ADAM7: variants seen among roughly 807,000 people sequenced by gnomAD.
ADAM7 encodes the protein ADAM metallopeptidase domain 7.
ADAM7 carries 97 observed loss-of-function variants against 102.9 expected under a neutral mutation model. That is an observed-to-expected ratio of 0.94 (90% CI 0.80 to 1.12). The LOEUF is 1.12. Ranked by LOEUF, ADAM7 falls within the 50% of genes most tolerant of loss-of-function variation. The probability of loss-of-function intolerance (pLI) is 0.00; values close to 1 mark genes in which losing one functional copy is unlikely to be tolerated. For missense variants in ADAM7, 991 were observed against 908.7 expected (o/e 1.09, Z -1.16); for synonymous variants, 334 against 304.4 (o/e 1.10, Z -1.01).
At chr8:24,470,779 T>C (rs1819577858) in intron 7 of ADAM7, among the ~76,000 whole-genome samples, 1 of 152,202 alleles carries the variant, frequency 6.6e-6, no homozygotes, top group East Asian at 1.9e-4. Context: ...CAATGCTTGA[T>C]AATAATAAAA....
intron 4 of ADAM7, among the ~76,000 whole-genome samples, chr8:24,464,213 A>G (rs959131234): frequency 2.0e-5 from 3 of 152,210 alleles, no homozygotes; most frequent in African/African-American, 7.2e-5. Flanking sequence ...CTGTACACTC[A>G]ATATGGTGTT....
At chr8:24,506,252 C>A in intron 20 of ADAM7, 1 of 1,003,060 alleles carries the variant, frequency 1.0e-6, no homozygotes, top group Non-Finnish European at 1.5e-6. Context: ...TTGAAAAGGA[C>A]CAATAATATA....
chr8:24,482,400 A>C, intron 9 of ADAM7, 89 bp downstream of exon 9: 2 of 1,403,398 alleles, frequency 1.4e-6, no homozygotes, highest in Non-Finnish European at 2.0e-6. Flanking sequence ...AACATTTTTT[A>C]AGCATTTGAC....
At chr8:24,497,397 T>TTTTTATAAAATTTTTAAAAA (rs1820596359) in intron 16 of ADAM7, among the ~76,000 whole-genome samples, 1 of 152,138 alleles carries the variant, frequency 6.6e-6, no homozygotes, top group Non-Finnish European at 1.5e-5. Flanking sequence ...TATAAAAAAG[T>TTTTTATAAAATTTTTAAAAA]ATAATTTGAG....
chr8:24,493,208 A>G lies in ADAM7; in HGVS notation c.1821A>G (p.Gly607=). Residue 607 remains glycine, a synonymous_variant, in exon 16 of 22, where the codon GGA becomes GGG. Transcript: ENST00000175238. ...CAGACATTGGCCTGGTGGCGTCAGG[A>G]ACAAAATGTGGAGAGGGAATGGTAA... The part of the protein sequence containing the change: ...DSTDIGLVAS[G]TKCGEGMVCN... The G allele has an allele frequency of 6.2e-7, 1 of 1,605,864 alleles. No homozygotes were observed. Among genetic ancestry groups the G allele is most frequent in the Non-Finnish European group, 8.5e-7 (1 of 1,177,066 alleles).
intron 3 of ADAM7, among the ~76,000 whole-genome samples, chr8:24,463,046 T>C (rs1819300967): frequency 6.6e-6 from 1 of 152,170 alleles, no homozygotes; most frequent in African/African-American, 2.4e-5. Context: ...ATATGGCCAA[T>C]ATAGCCTCGA....
rs1216464484 is a variant in ADAM7, at chr8:24,450,023, A to ACC, written c.233+2761_233+2762insCC. Among the ~76,000 whole-genome samples the ACC allele has an allele frequency of 1.3e-5, 2 of 152,154 alleles. 1 individual carries two copies. The highest frequency in any genetic ancestry group is 3.9e-4 in the East Asian group (2 of 5,190). On this transcript the variant is annotated intron_variant, in intron 3 of 21. Coordinates refer to ENST00000175238, the MANE Select transcript of ADAM7 (RefSeq NM_003817.4). ...CATTGATCTATATCTCTGTTTTGGT[A>ACC]TGAGTACCATGCTGTTTTGGTTACT...
chr8:24,452,443 G>A (rs1818833925), intron 3 of ADAM7, among the ~76,000 whole-genome samples: 1 of 149,886 alleles, frequency 6.7e-6, no homozygotes, highest in African/African-American at 2.5e-5. Context: ...TTGGTTTACA[G>A]TCTGTTTTAT....
chr8:24,493,336 A>C (rs981129429), intron 16 of ADAM7, 107 bp downstream of exon 16: 1 of 969,820 alleles, frequency 1.0e-6, no homozygotes, highest in African/African-American at 1.7e-5. Flanking sequence ...GGAAAAGGAA[A>C]AAATATTGAC....
At chr8:24,472,300 T>G (rs1402604052) in intron 7 of ADAM7, among the ~76,000 whole-genome samples, 1 of 151,930 alleles carries the variant, frequency 6.6e-6, no homozygotes, top group Non-Finnish European at 1.5e-5. Context: ...AAAAAGAATA[T>G]GTATTTTTTT....
intron 12 of ADAM7, 92 bp downstream of exon 12, chr8:24,489,425 T>C (rs1194181271): frequency 8.0e-7 from 1 of 1,246,654 alleles, no homozygotes; most frequent in Non-Finnish European, 1.1e-6. Context: ...CCAACCGTGG[T>C]GTTCCTTGTA....
chr8:24,482,225 T>C lies in ADAM7; in HGVS notation c.789T>C (p.Asn263=). The C allele has an allele frequency of 6.2e-7, 1 of 1,610,130 alleles. No homozygotes were observed. The part of the protein sequence containing the change: ...THEDKIELYS[N]IETTLLRFSF... ...AAGATAAAATAGAACTATATTCAAA[T>C]ATAGAAACTACCTTATTGCGTTTTT... The change falls in exon 9 of 22, where the codon AAT becomes AAC. Residue 263 remains asparagine (N), a synonymous_variant. Coordinates refer to ENST00000175238, the MANE Select transcript of ADAM7 (RefSeq NM_003817.4).
chr8:24,489,057 T>G (rs999441045), intron 11 of ADAM7, 102 bp from the exon 12 acceptor site: 15 of 1,117,326 alleles, frequency 1.3e-5, no homozygotes, highest in Non-Finnish European at 1.8e-5. Flanking sequence ...ACAGTAAACA[T>G]TTACATTTGT....
At chr8:24,508,441 C>A in intron 21 of ADAM7, 105 bp from the exon 22 acceptor site, 1 of 1,180,272 alleles carries the variant, frequency 8.5e-7, no homozygotes, top group Non-Finnish European at 1.2e-6. Flanking sequence ...GACTACAGAA[C>A]ACAGAAAGGT....
chr8:24,469,308 C>T (rs1304902411), intron 7 of ADAM7, among the ~76,000 whole-genome samples: 1 of 152,088 alleles, frequency 6.6e-6, no homozygotes, highest in Admixed American at 6.6e-5. Flanking sequence ...TAAAGGGCTG[C>T]CCATCTCAGA....
At chr8:24,492,422 G>C in intron 14 of ADAM7, 73 bp from the exon 15 acceptor site, 1 of 1,108,430 alleles carries the variant, frequency 9.0e-7, no homozygotes, top group South Asian at 1.6e-5. Flanking sequence ...AATTACATTA[G>C]AAAAATAAGG....
At chr8:24,444,333 CAAAT>C (rs1416317332) in intron 2 of ADAM7, among the ~76,000 whole-genome samples, 4 of 151,524 alleles carry the variant, frequency 2.6e-5, no homozygotes, top group Non-Finnish European at 5.9e-5. Flanking sequence ...GGAGAGGAAT[CAAAT>C]AATTTATGTA....
intron 3 of ADAM7, among the ~76,000 whole-genome samples, chr8:24,461,149 C>T (rs1819228035): frequency 1.3e-5 from 2 of 152,046 alleles, no homozygotes; most frequent in Non-Finnish European, 2.9e-5. Context: ...CCCGCCACCA[C>T]GCCCAGCTAA....
In ADAM7 at chr8:24,490,805, A is replaced by G; in HGVS notation, c.1273A>G (p.Thr425Ala). The stretch of plus-strand genomic sequence containing the variant: ...CTTTTGTGGTTATTGCCAGGAGTGT[A>G]CTAATCCTTGCTGTGATGCACACAC... The part of the protein sequence containing the change: ...ECDCGPAQEC[T>A]NPCCDAHTCV... Residue 425 changes from threonine (T) to alanine (A), a missense_variant, in exon 13 of 22, where the codon ACT (threonine) becomes GCT (alanine). By Grantham distance (58) the Thr-to-Ala change is moderately conservative. Coordinates refer to ENST00000175238, the MANE Select transcript of ADAM7 (RefSeq NM_003817.4). The G allele has an allele frequency of 1.2e-6, 2 of 1,613,578 alleles. No homozygotes were observed. The highest frequency in any genetic ancestry group is 1.7e-6 in the Non-Finnish European group (2 of 1,179,682).
Sources: gnomAD v4.1 joint callset for allele counts (sites outside exome capture counted in the v4.1 genomes callset) on GRCh38, gnomAD v4.1.1 for gene constraint, MANE v1.5 for transcripts, NCBI Gene and HGNC (gene_info 2026-07-23, HGNC 2026-07-21) for gene names.